The following GABBR2 variants were observed in gnomAD, a reference collection of about 807,000 sequenced individuals.
The protein encoded by GABBR2 is G-protein coupled receptor 51.
A neutral mutation model predicts 105.6 loss-of-function variants in GABBR2; 23 were observed. The observed-to-expected ratio is 0.22, with a 90% CI of 0.16 to 0.31. The LOEUF (loss-of-function observed/expected upper bound fraction) is 0.31, where lower values mean the gene tolerates loss of function less well. GABBR2 is among the 10% of genes least tolerant of loss of function. The pLI is 1.00. For synonymous variants in GABBR2, 478 were observed against 499.7 expected (o/e 0.96, Z 0.58); for missense variants, 734 against 1,245.5 (o/e 0.59, Z 6.18).
At chr9:98,291,383 C>G (rs1830300525) in intron 18 of GABBR2, among the ~76,000 whole-genome samples, 1 of 152,192 alleles carries the variant, frequency 6.6e-6, no homozygotes, top group Non-Finnish European at 1.5e-5. Context: ...TTGCTGCAAA[C>G]CAGATAGTTC....
At chr9:98,675,765 C>A (rs1033386508) in intron 1 of GABBR2, among the ~76,000 whole-genome samples, 1 of 152,018 alleles carries the variant, frequency 6.6e-6, no homozygotes, top group Admixed American at 6.5e-5. Context: ...TATCCGCCAC[C>A]TTTTGCTTTG....
chr9:98,543,811 A>C (rs950757630), intron 2 of GABBR2, among the ~76,000 whole-genome samples: 2 of 151,222 alleles, frequency 1.3e-5, no homozygotes, highest in African/African-American at 4.9e-5. Flanking sequence ...TAAGTTGCTA[A>C]TTTTTCTCCC....
At chr9:98,651,638 T>C (rs1001292510) in intron 1 of GABBR2, among the ~76,000 whole-genome samples, 2 of 151,668 alleles carry the variant, frequency 1.3e-5, no homozygotes, top group Non-Finnish European at 2.9e-5. Context: ...CGCTATGTTT[T>C]CCAGGCTGGT....
intron 2 of GABBR2, among the ~76,000 whole-genome samples, chr9:98,553,354 G>A (rs937639608): frequency 2.0e-5 from 3 of 152,060 alleles, no homozygotes; most frequent in Non-Finnish European, 4.4e-5. Context: ...AGCACTTTGG[G>A]AGGCCGAGGC....
intron 1 of GABBR2, among the ~76,000 whole-genome samples, chr9:98,638,606 T>C (rs1436086504): frequency 5.3e-5 from 8 of 152,038 alleles, no homozygotes; most frequent in African/African-American, 1.7e-4. Context: ...CTGAGACTTA[T>C]AGCATGACAA....
intron 4 of GABBR2, among the ~76,000 whole-genome samples, chr9:98,495,722 C>G (rs1001806293): frequency 6.6e-6 from 1 of 152,164 alleles, no homozygotes; most frequent in Non-Finnish European, 1.5e-5. Flanking sequence ...AATGTTGTCT[C>G]TTTTTGGAAC....
At chr9:98,431,611 G>A (rs1366742376) in intron 7 of GABBR2, among the ~76,000 whole-genome samples, 1 of 152,048 alleles carries the variant, frequency 6.6e-6, no homozygotes, top group Non-Finnish European at 1.5e-5. Context: ...CACAAGTATG[G>A]CCTGGTGGTG....
intron 1 of GABBR2, among the ~76,000 whole-genome samples, chr9:98,589,034 T>C (rs984891352): frequency 7.6e-4 from 116 of 152,212 alleles, no homozygotes; most frequent in Non-Finnish European, 1.2e-4. Flanking sequence ...TCTTTGGGTA[T>C]GCCTCAGAGG....
At chr9:98,485,801 C>T (rs13295431) in intron 4 of GABBR2, among the ~76,000 whole-genome samples, 15,071 of 152,200 alleles carry the variant, frequency 0.099, 996 homozygotes, top group South Asian at 0.15. Flanking sequence ...TACACCCGCC[C>T]GGCTGCAGTG....
chr9:98,463,679 A>T (rs556850466), intron 6 of GABBR2, among the ~76,000 whole-genome samples: 1 of 144,220 alleles, frequency 6.9e-6, no homozygotes, highest in South Asian at 2.3e-4. Context: ...TCTCTTGCAG[A>T]GCCTGGGCAG....
intron 3 of GABBR2, among the ~76,000 whole-genome samples, chr9:98,521,342 G>A (rs1382163430): frequency 2.6e-5 from 4 of 152,148 alleles, no homozygotes; most frequent in African/African-American, 7.2e-5. Context: ...ATGTGCTGAC[G>A]AGACTGACCT....
intron 2 of GABBR2, among the ~76,000 whole-genome samples, chr9:98,544,337 A>G (rs761180070): frequency 6.6e-6 from 1 of 152,190 alleles, no homozygotes; most frequent in Non-Finnish European, 1.5e-5. Context: ...GAGGGTAGAC[A>G]GCCACTCTCT....
chr9:98,612,631 C>G (rs1258114554), intron 1 of GABBR2, among the ~76,000 whole-genome samples: 1 of 152,208 alleles, frequency 6.6e-6, no homozygotes, highest in East Asian at 1.9e-4. Context: ...AGGTCTCCTC[C>G]TCCTTGCTGT....
chr9:98,446,187 G>C (rs1826125058), intron 7 of GABBR2, among the ~76,000 whole-genome samples: 1 of 152,194 alleles, frequency 6.6e-6, no homozygotes, highest in Non-Finnish European at 1.5e-5. Context: ...GTATCTCATA[G>C]GTATGCAATG....
chr9:98,373,760 A>C (rs1165729829), intron 11 of GABBR2, among the ~76,000 whole-genome samples: 2 of 152,214 alleles, frequency 1.3e-5, no homozygotes, highest in African/African-American at 2.4e-5. Context: ...AAAAAGGACA[A>C]AGATGAAGTA....
intron 3 of GABBR2, among the ~76,000 whole-genome samples, chr9:98,498,456 C>T (rs1475087398): frequency 6.6e-6 from 1 of 152,190 alleles, no homozygotes; most frequent in East Asian, 1.9e-4. Context: ...GTAATGTATA[C>T]ATCAGAGCAT....
At chr9:98,510,427 T>C (rs889261348) in intron 3 of GABBR2, among the ~76,000 whole-genome samples, 2 of 152,044 alleles carry the variant, frequency 1.3e-5, no homozygotes, top group Admixed American at 1.3e-4. Context: ...ACAATATTAA[T>C]TTTAAATGTA....
chr9:98,364,101 G>A (rs1261299835), intron 12 of GABBR2, among the ~76,000 whole-genome samples: 1 of 152,158 alleles, frequency 6.6e-6, no homozygotes, highest in African/African-American at 2.4e-5. Context: ...CTCAGTGACT[G>A]CCAAGGAGAT....
intron 1 of GABBR2, among the ~76,000 whole-genome samples, chr9:98,659,089 G>T (rs988161054): frequency 6.6e-5 from 10 of 152,158 alleles, no homozygotes; most frequent in African/African-American, 2.2e-4. Flanking sequence ...TGAGGCACTG[G>T]GTTGTTTTAG....
Sources: gnomAD v4.1 joint callset for allele counts (sites outside exome capture counted in the v4.1 genomes callset) on GRCh38, gnomAD v4.1.1 for gene constraint, MANE v1.5 for transcripts, NCBI Gene and HGNC (gene_info 2026-07-23, HGNC 2026-07-21) for gene names.